The following MBD5 variants were observed in gnomAD, a reference collection of about 807,000 sequenced individuals.
MBD5 encodes the protein methyl-CpG binding domain protein 5.
A neutral mutation model predicts 117.3 loss-of-function variants in MBD5; 13 were observed. That is an observed-to-expected ratio of 0.11 (90% confidence interval 0.07 to 0.18). MBD5 has a LOEUF of 0.18. Ranked by LOEUF, MBD5 falls within the 10% of genes least tolerant of loss-of-function variation. MBD5 has a pLI of 1.00. For synonymous variants in MBD5, 727 were observed against 766.4 expected, an observed-to-expected ratio of 0.95 and a Z score of 0.85; for missense variants, 1,879 against 2,093.8, an observed-to-expected ratio of 0.90 and a Z score of 2.00.
At chr2:148,486,023 A>T in intron 10 of MBD5, 73 bp downstream of exon 10, 1 of 1,484,778 alleles carries the variant, frequency 6.7e-7, no homozygotes, top group South Asian at 1.1e-5. Flanking sequence ...TTTGGGGGAA[A>T]GGGTGAAAAA....
intron 3 of MBD5, among the ~76,000 whole-genome samples, chr2:148,341,851 T>C (rs1053963874): frequency 5.9e-5 from 9 of 151,728 alleles, no homozygotes; most frequent in African/African-American, 2.2e-4. Context: ...TGAATAAATA[T>C]CAAATAAAAA....
At chr2:148,049,709 C>G (rs755399659) in intron 1 of MBD5, among the ~76,000 whole-genome samples, 6 of 152,158 alleles carry the variant, frequency 3.9e-5, no homozygotes, top group Non-Finnish European at 7.4e-5. Context: ...TTAGCAGTAA[C>G]TTCCAAGTAC....
chr2:148,219,040 C>T lies in MBD5; in HGVS notation c.-830-14205C>T, dbSNP rs371537235. On this transcript the variant is annotated intron_variant, in intron 2 of 13. Coordinates refer to ENST00000642680, the MANE Select transcript of MBD5 (RefSeq NM_001378120.1). ...TTATAAACTTTAAATTGTTTAACTT[C>T]TTGATGCTTTTATAATAACACTTGG... is the stretch of plus-strand genomic sequence containing the variant. Among the ~76,000 whole-genome samples, 4 of 152,246 alleles carry T rather than the reference C, an allele frequency of 2.6e-5. 1 individual carries two copies. The highest frequency in any genetic ancestry group is 9.6e-5 in the African/African-American group (4 of 41,566).
At chr2:148,022,250 T>G (rs1317266707) in intron 1 of MBD5, among the ~76,000 whole-genome samples, 2 of 152,216 alleles carry the variant, frequency 1.3e-5, no homozygotes, top group Non-Finnish European at 2.9e-5. Flanking sequence ...GGTTTCATTT[T>G]CCATTTTTTC....
At chr2:148,041,650 A>C (rs967627087) in intron 1 of MBD5, among the ~76,000 whole-genome samples, 1 of 152,150 alleles carries the variant, frequency 6.6e-6, no homozygotes, top group Non-Finnish European at 1.5e-5. Flanking sequence ...TTACACACTT[A>C]TGCATACTCA....
intron 3 of MBD5, among the ~76,000 whole-genome samples, chr2:148,237,396 T>A (rs987018093): frequency 2.6e-5 from 4 of 152,198 alleles, no homozygotes; most frequent in African/African-American, 9.6e-5. Context: ...TCCTTTCATG[T>A]GAACACTTAG....
chr2:148,112,940 G>A (rs527603148), intron 1 of MBD5, among the ~76,000 whole-genome samples: 21 of 152,190 alleles, frequency 1.4e-4, no homozygotes, highest in African/African-American at 4.6e-4. Flanking sequence ...TGAAGCCAGG[G>A]GTTTGAGTTT....
intron 2 of MBD5, among the ~76,000 whole-genome samples, chr2:148,210,349 CT>C (rs199728383): frequency 0.015 from 2,339 of 151,162 alleles, 51 homozygotes; most frequent in African/African-American, 0.053. Context: ...CTGGTTAATT[CT>C]TTTTTTTTGA....
intron 4 of MBD5, among the ~76,000 whole-genome samples, chr2:148,424,042 G>T (rs1705693579): frequency 6.6e-6 from 1 of 151,620 alleles, no homozygotes; most frequent in Non-Finnish European, 1.5e-5. Context: ...CCCATGCATG[G>T]TGGCAGGTGC....
At chr2:148,360,889 T>C (rs530200300) in intron 4 of MBD5, among the ~76,000 whole-genome samples, 1 of 152,302 alleles carries the variant, frequency 6.6e-6, no homozygotes, top group African/African-American at 2.4e-5. Context: ...ATAATCAATG[T>C]TCATTTTAAA....
intron 2 of MBD5, among the ~76,000 whole-genome samples, chr2:148,227,725 AT>A (rs1396530828): frequency 6.6e-6 from 1 of 152,134 alleles, no homozygotes; most frequent in Non-Finnish European, 1.5e-5. Flanking sequence ...TTTTCACCAT[AT>A]TGATTCTTCC....
chr2:148,466,753 T>A (rs1707273055), intron 7 of MBD5, among the ~76,000 whole-genome samples: 1 of 152,160 alleles, frequency 6.6e-6, no homozygotes, highest in African/African-American at 2.4e-5. Context: ...TATCCAGAAA[T>A]CATTCTATCA....
chr2:148,405,771 C>CT (rs1251420756), intron 4 of MBD5, among the ~76,000 whole-genome samples: 3 of 152,006 alleles, frequency 2.0e-5, no homozygotes, highest in Non-Finnish European at 2.9e-5. Context: ...TCAGAGAGTC[C>CT]TTTTTAAAAA....
At chr2:148,107,982 T>C (rs563353545) in intron 1 of MBD5, among the ~76,000 whole-genome samples, 1 of 152,274 alleles carries the variant, frequency 6.6e-6, no homozygotes, top group South Asian at 2.1e-4. Context: ...CTTGAGGTTT[T>C]GTGGATCAAA....
intron 3 of MBD5, among the ~76,000 whole-genome samples, chr2:148,323,435 C>A (rs10208305): frequency 0.012 from 1,865 of 151,700 alleles, 35 homozygotes; most frequent in African/African-American, 0.042. Flanking sequence ...ACTTCCACAA[C>A]GGTTGAACTA....
chr2:148,028,624 C>T (rs1221138530), intron 1 of MBD5: 1 of 151,910 alleles, frequency 6.6e-6, no homozygotes, highest in African/African-American at 2.4e-5. Context: ...TGTATAAGTA[C>T]ATTTACTGAT....
intron 4 of MBD5, among the ~76,000 whole-genome samples, chr2:148,453,680 G>A (rs1358266349): frequency 1.3e-5 from 2 of 152,022 alleles, no homozygotes; most frequent in South Asian, 4.2e-4. Flanking sequence ...TAATATTAAA[G>A]TGTTAAATTT....
At chr2:148,136,765 A>AT (rs879310208) in intron 1 of MBD5, among the ~76,000 whole-genome samples, 2,727 of 146,224 alleles carry the variant, frequency 0.019, 49 homozygotes, top group African/African-American at 0.048. Context: ...CAGTTTATTA[A>AT]TTTTTTTTTT....
intron 4 of MBD5, among the ~76,000 whole-genome samples, chr2:148,425,864 C>CT (rs1417182142): frequency 6.6e-6 from 1 of 152,112 alleles, no homozygotes; most frequent in Admixed American, 6.6e-5. Context: ...TGTCAATAAA[C>CT]TAAGTATTGA....
Sources: allele counts gnomAD v4.1 joint callset (sites outside exome capture counted in the v4.1 genomes callset), GRCh38; gene constraint gnomAD v4.1.1; transcripts MANE v1.5; gene names NCBI Gene and HGNC (gene_info 2026-07-23, HGNC 2026-07-21).